ZDBF2: variants seen among roughly 807,000 people sequenced by gnomAD.
ZDBF2 encodes DBF4-type zinc finger-containing protein 2.
Under a neutral mutation model 9.4 loss-of-function variants are expected in ZDBF2, and 6 were observed. The observed-to-expected ratio is 0.64, with a 90% CI of 0.35 to 1.27. ZDBF2 has a LOEUF of 1.27. Ranked by LOEUF, ZDBF2 falls within the 50% of genes most tolerant of loss-of-function variation. The pLI is 0.03. For missense variants in ZDBF2, 2,697 were observed against 2,766.8 expected, an observed-to-expected ratio of 0.97 and a Z score of 0.57; for synonymous variants, 905 against 946.3, an observed-to-expected ratio of 0.96 and a Z score of 0.80.
intron 1 of ZDBF2, among the ~76,000 whole-genome samples, chr2:206,276,443 T>G (rs1341760183): frequency 6.6e-6 from 1 of 152,224 alleles, no homozygotes; most frequent in African/African-American, 2.4e-5. Flanking sequence ...ATGAGCAAGA[T>G]GCAATTAAAC....
chr2:206,294,641 T>G (rs1367810674), intron 3 of ZDBF2, among the ~76,000 whole-genome samples: 1 of 152,168 alleles, frequency 6.6e-6, no homozygotes, highest in Non-Finnish European at 1.5e-5. Flanking sequence ...CCTTTCCCCC[T>G]GCCCTGTCTC....
Position 206,309,800 on chromosome 2 carries a change from T to A in ZDBF2, c.5272T>A (p.Ser1758Thr). The A allele has an allele frequency of 1.2e-6, 2 of 1,613,970 alleles. No homozygotes were observed. The highest frequency in any genetic ancestry group is 1.7e-6 in the Non-Finnish European group (2 of 1,179,878). Residue 1758 changes from serine (S) to threonine (T), a missense_variant, in exon 5 of 5, where the codon TCT (serine) becomes ACT (threonine). Ser to Thr is a moderately conservative substitution (Grantham distance 58, BLOSUM62 1). This residue lies in a region of ZDBF2 where 1,783 missense variants were observed against 1,776.5 expected (regional missense o/e 1.00). Transcript: ENST00000374423. ...TTTTCAGTGTGCTCCCCCTCTTCCATCTGATACTGATCAGCCTCAAGAAAC... is the reference window on the plus strand; with the variant it reads ...TTTTCAGTGTGCTCCCCCTCTTCCAACTGATACTGATCAGCCTCAAGAAAC... ...MNFQCAPPLP[S>T]DTDQPQETVK...
Position 206,311,486 on chromosome 2 carries a change from TCTA to T in ZDBF2, c.6960_6962del (p.Thr2321del). The T allele has an allele frequency of 6.2e-7, 1 of 1,608,936 alleles. No individual in the cohort carries two copies. The highest frequency in any genetic ancestry group is 8.5e-7 in the Non-Finnish European group (1 of 1,178,530). On this transcript the variant is annotated inframe_deletion, in exon 5 of 5. Coordinates refer to ENST00000374423, the MANE Select transcript of ZDBF2 (RefSeq NM_020923.3). ...CTACCATGGCCGACAGAAAGGTCCTTCTACACCTGTGAGAGCATATGATCTGAG... is the reference window on the plus strand; with the variant it reads ...CTACCATGGCCGACAGAAAGGTCCTTCACCTGTGAGAGCATATGATCTGAG...
intron 3 of ZDBF2, among the ~76,000 whole-genome samples, chr2:206,282,130 A>T (rs545000100): frequency 6.6e-6 from 1 of 152,364 alleles, no homozygotes; most frequent in South Asian, 2.1e-4. Context: ...AAGATAAATA[A>T]TATATAAATT....
At chr2:206,297,419 C>T (rs763079367) in intron 4 of ZDBF2, 46 bp downstream of exon 4, 3 of 1,532,106 alleles carry the variant, frequency 2.0e-6, no homozygotes, top group East Asian at 2.3e-5. Flanking sequence ...TTATATGTTA[C>T]AGTAGGTGTT....
intron 3 of ZDBF2, among the ~76,000 whole-genome samples, chr2:206,296,971 G>T (rs2105929468): frequency 6.6e-6 from 1 of 152,212 alleles, no homozygotes; most frequent in Admixed American, 6.5e-5. Context: ...AACTTAGGAG[G>T]TTTCCAGTTT....
Position 206,307,873 on chromosome 2 carries a change from A to G in ZDBF2, c.3345A>G (p.Lys1115=), listed in dbSNP as rs750471715. 57 of 1,613,522 alleles carry G rather than the reference A, an allele frequency of 3.5e-5. No individual in the cohort carries two copies. Among genetic ancestry groups the G allele is most frequent in the Non-Finnish European group, 4.7e-5 (55 of 1,179,748 alleles). The part of the protein sequence containing the change: ...KNKINEPSTY[K]LIHHPDVSVQ... Reference sequence around the variant, plus strand: ...AGATTAATGAACCTAGTACTTATAAATTAATACATCATCCTGATGTTTCTG... The same window carrying G: ...AGATTAATGAACCTAGTACTTATAAGTTAATACATCATCCTGATGTTTCTG... Residue 1115 remains lysine (K), a synonymous_variant, in exon 5 of 5, where the codon AAA becomes AAG. Coordinates refer to ENST00000374423, the MANE Select transcript of ZDBF2 (RefSeq NM_020923.3).
At chr2:206,302,097 G>A (rs1692536648) in intron 4 of ZDBF2, among the ~76,000 whole-genome samples, 1 of 151,782 alleles carries the variant, frequency 6.6e-6, no homozygotes, top group South Asian at 2.1e-4. Context: ...TAGTCTCAAA[G>A]TCCTGGGCTC....
At position 206,308,906 on chromosome 2, in the gene ZDBF2, G is replaced by A; in HGVS notation, c.4378G>A (p.Val1460Ile). 1 of 1,612,748 alleles carries A rather than the reference G, an allele frequency of 6.2e-7. No homozygotes were observed. The highest frequency in any genetic ancestry group is 1.1e-5 in the South Asian group (1 of 90,798). Residue 1460 changes from valine (V) to isoleucine (I), a missense_variant, in exon 5 of 5, where the codon GTT (valine) becomes ATT (isoleucine). Coordinates refer to ENST00000374423, the MANE Select transcript of ZDBF2 (RefSeq NM_020923.3). ...TTCTGAAATAAAATGTCATTCTTGT[G>A]TTCATCTTCAGTCAGAAGTTGACCA... Reference protein sequence around the residue: ...CGSEIKCHSCVHLQSEVDQPQ... With the variant: ...CGSEIKCHSCIHLQSEVDQPQ...
chr2:206,291,572 C>T (rs1197577543), intron 3 of ZDBF2, among the ~76,000 whole-genome samples: 1 of 152,148 alleles, frequency 6.6e-6, no homozygotes, highest in South Asian at 2.1e-4. Flanking sequence ...CTTCATTTAA[C>T]CTAAATTACC....
chr2:206,301,132 G>T (rs1692481107), intron 4 of ZDBF2, among the ~76,000 whole-genome samples: 1 of 151,934 alleles, frequency 6.6e-6, no homozygotes, highest in Non-Finnish European at 1.5e-5. Context: ...ATACTGATTG[G>T]CCATATTTTA....
intron 3 of ZDBF2, among the ~76,000 whole-genome samples, chr2:206,295,521 C>T (rs1418052199): frequency 6.6e-6 from 1 of 151,868 alleles, no homozygotes; most frequent in Non-Finnish European, 1.5e-5. Flanking sequence ...GCAGCACCAC[C>T]ATGCCTGGGT....
chr2:206,283,863 A>G lies in ZDBF2; in HGVS notation c.60+1954A>G, dbSNP rs146803347. Among the ~76,000 whole-genome samples, 270 of 152,180 alleles carry G rather than the reference A, an allele frequency of 1.8e-3. 4 individuals carry two copies. The East Asian group carries it at 0.019, about 11-fold the overall frequency. On this transcript the variant is annotated intron_variant, in intron 3 of 4. Coordinates refer to ENST00000374423, the MANE Select transcript of ZDBF2 (RefSeq NM_020923.3). Reference sequence around the variant, plus strand: ...TTTTTTGTAGAGATGGGGTCTCACTATATTTCCCAGGCTGGTCTCAAACTC... The same window carrying G: ...TTTTTTGTAGAGATGGGGTCTCACTGTATTTCCCAGGCTGGTCTCAAACTC...
In ZDBF2 at chr2:206,297,389, G is replaced by A. The variant is rs756394412; in HGVS notation, c.188+16G>A. 5.6e-6 allele frequency: 9 copies of A among 1,606,904 alleles called. No individual in the cohort carries two copies. The East Asian group carries it at 2.0e-4, about 36-fold the overall frequency. On this transcript the variant is annotated intron_variant, in intron 4 of 4. Coordinates refer to ENST00000374423, the MANE Select transcript of ZDBF2 (RefSeq NM_020923.3). ...AAGAGAGCAGGTAAAGTAGTTGATT[G>A]GAATAATATTTATACGTAGTTATAT...
Position 206,309,160 on chromosome 2 carries a change from T to C in ZDBF2, c.4632T>C (p.Ile1544=). The stretch of plus-strand genomic sequence containing the variant: ...ATTATGAAGTAATTTCAGATGATAT[T>C]CCCCTTCAGTTAGTGACTGACCCAC... ...DSDYEVISDD[I]PLQLVTDPPQ... Residue 1544 remains isoleucine, a synonymous_variant, in exon 5 of 5, where the codon ATT becomes ATC. Coordinates refer to ENST00000374423, the MANE Select transcript of ZDBF2 (RefSeq NM_020923.3). The C allele has an allele frequency of 6.2e-7, 1 of 1,611,656 alleles. No individual in the cohort carries two copies. Among genetic ancestry groups the C allele is most frequent in the Non-Finnish European group, 8.5e-7 (1 of 1,178,630 alleles).
chr2:206,308,742 T>A lies in ZDBF2; in HGVS notation c.4214T>A (p.Leu1405Ter). 1 of 1,613,412 alleles carries A rather than the reference T, an allele frequency of 6.2e-7. No homozygotes were observed. Among genetic ancestry groups the A allele is most frequent in the African/African-American group, 1.3e-5 (1 of 75,020 alleles). Reference sequence around the variant, plus strand: ...TACCTGGAAGATAAGAGCTATAAATTAGGTGATTTTGATGTAAGTTATGCT... The same window carrying A: ...TACCTGGAAGATAAGAGCTATAAATAAGGTGATTTTGATGTAAGTTATGCT... ...HIYLEDKSYK[L>*]GDFDVSYASH... is the part of the protein sequence containing the mutation. Residue 1405 changes from leucine to a stop codon, truncating the protein, a stop_gained, in exon 5 of 5, where the codon TTA (leucine) becomes TAA (stop). Transcript: ENST00000374423. LOFTEE classifies it low-confidence loss of function (END_TRUNC).
intron 3 of ZDBF2, among the ~76,000 whole-genome samples, chr2:206,293,094 A>T (rs975613820): frequency 1.3e-5 from 2 of 152,196 alleles, no homozygotes; most frequent in African/African-American, 4.8e-5. Flanking sequence ...TCTTTAAAAT[A>T]GTGCAGTTTT....
Position 206,307,494 on chromosome 2 carries a change from A to G in ZDBF2, c.2966A>G (p.Gln989Arg), listed in dbSNP as rs1158829320. 20 of 1,613,266 alleles carry G rather than the reference A, an allele frequency of 1.2e-5. No homozygotes were observed. The highest frequency in any genetic ancestry group is 1.7e-5 in the Non-Finnish European group (20 of 1,179,640). Reference sequence around the variant, plus strand: ...CAAAGAGAAAAGCACGCTGAATTCCAAGGTAGAAGTACTGAATTCAGTGGT... The same window carrying G: ...CAAAGAGAAAAGCACGCTGAATTCCGAGGTAGAAGTACTGAATTCAGTGGT... ...WLQREKHAEFQGRSTEFSGSK... is the reference protein window; with the variant it reads ...WLQREKHAEFRGRSTEFSGSK... The change falls in exon 5 of 5, where the codon CAA becomes CGA. Residue 989 changes from glutamine to arginine, a missense_variant. Coordinates refer to ENST00000374423, the MANE Select transcript of ZDBF2 (RefSeq NM_020923.3).
chr2:206,301,808 C>CT (rs1692514087), intron 4 of ZDBF2, among the ~76,000 whole-genome samples: 1 of 151,630 alleles, frequency 6.6e-6, no homozygotes, highest in Non-Finnish European at 1.5e-5. Flanking sequence ...TTTCGTCTAC[C>CT]TTTTTATGGG....
Sources: gnomAD v4.1 joint callset for allele counts (sites outside exome capture counted in the v4.1 genomes callset) on GRCh38, gnomAD v4.1.1 for gene constraint, gnomAD v4.1.1 regional missense constraint, MANE v1.5 for transcripts, NCBI Gene and HGNC (gene_info 2026-07-23, HGNC 2026-07-21) for gene names.